ETNK1: variants seen among roughly 807,000 people sequenced by gnomAD.
The protein encoded by ETNK1 is ethanolamine kinase 1.
A neutral mutation model predicts 45.1 loss-of-function variants in ETNK1; 8 were observed. The ratio of observed to expected loss-of-function variants is 0.18; its 90% confidence interval spans 0.10 to 0.32. ETNK1 has a LOEUF of 0.32. ETNK1 is among the 10% of genes least tolerant of loss of function. The pLI is 1.00. For missense variants in ETNK1, 302 were observed against 430.6 expected, an observed-to-expected ratio of 0.70 and a Z score of 2.64; for synonymous variants, 152 against 151.9, an observed-to-expected ratio of 1.00 and a Z score of -0.01.
chr12:22,688,377 A>C lies in ETNK1; in HGVS notation c.*3423A>C, dbSNP rs1020570860. 2 of 151,870 alleles carry C rather than the reference A, an allele frequency of 1.3e-5. No individual in the cohort carries two copies. The highest frequency in any genetic ancestry group is 3.0e-5 in the Non-Finnish European group (2 of 67,752). The allele number at this position is 151,870 out of a possible 1,614,324, so 9.4% of individuals were successfully genotyped here. Reference sequence around the variant, plus strand: ...ACTAAAAATATTTAACTTCATAAATATGTTACTACAGCTTCCAGATTTAAA... The same window carrying C: ...ACTAAAAATATTTAACTTCATAAATCTGTTACTACAGCTTCCAGATTTAAA... On this transcript the variant is annotated 3_prime_UTR_variant, in exon 8 of 8. Transcript: ENST00000266517.
At chr12:22,639,780 T>A (rs1245186971) in intron 1 of ETNK1, among the ~76,000 whole-genome samples, 1 of 152,182 alleles carries the variant, frequency 6.6e-6, no homozygotes, top group African/African-American at 2.4e-5. Flanking sequence ...TCAGGTTGTT[T>A]CGTGAAATCA....
At chr12:22,680,890 TCC>T (rs139159553) in intron 6 of ETNK1, among the ~76,000 whole-genome samples, 2 of 53,202 alleles carry the variant, frequency 3.8e-5, no homozygotes, top group Non-Finnish European at 1.1e-4. Context: ...GAGCTTTTCT[TCC>T]CCCGCCCCCC....
intron 1 of ETNK1, among the ~76,000 whole-genome samples, chr12:22,627,711 T>C (rs1270700902): frequency 6.6e-6 from 1 of 152,106 alleles, no homozygotes; most frequent in Non-Finnish European, 1.5e-5. Flanking sequence ...CAGAGTATAA[T>C]GTAATTTTAG....
chr12:22,648,428 G>A (rs1250880791), intron 2 of ETNK1, among the ~76,000 whole-genome samples: 1 of 151,852 alleles, frequency 6.6e-6, no homozygotes, highest in African/African-American at 2.4e-5. Flanking sequence ...TGCTTCCACA[G>A]TTTTGCCTTT....
At chr12:22,673,811 C>T (rs2137570544) in intron 6 of ETNK1, 151 bp downstream of exon 6, 2 of 779,368 alleles carry the variant, frequency 2.6e-6, no homozygotes, top group Non-Finnish European at 4.0e-6. Context: ...GTATGCATTA[C>T]CCCATTGCAT....
chr12:22,666,877 A>G (rs943951890), intron 4 of ETNK1, among the ~76,000 whole-genome samples: 4 of 152,126 alleles, frequency 2.6e-5, no homozygotes, highest in African/African-American at 7.2e-5. Flanking sequence ...TATCCATTCT[A>G]TTATTACTCC....
At chr12:22,638,639 C>CT (rs1454650868) in intron 1 of ETNK1, 1 of 152,080 alleles carries the variant, frequency 6.6e-6, no homozygotes, top group Non-Finnish European at 1.5e-5. Context: ...ATATAATTCT[C>CT]TAATAGAGGC....
chr12:22,659,072 C>T lies in ETNK1; in HGVS notation c.475C>T (p.Pro159Ser), dbSNP rs1425418403. The T allele has an allele frequency of 6.2e-7, 1 of 1,613,886 alleles. No individual in the cohort carries two copies. Among genetic ancestry groups the T allele is most frequent in the Non-Finnish European group, 8.5e-7 (1 of 1,179,878 alleles). The stretch of plus-strand genomic sequence containing the variant: ...TATTCATGCACACAATGGCTGGATC[C>T]CCAAATCTAATCTTTGGCTAAAGAT... ...HAIHAHNGWI[P>S]KSNLWLKMGK... is the part of the protein sequence containing the mutation. Residue 159 changes from proline (P) to serine (S), a missense_variant, in exon 3 of 8, where the codon CCC becomes TCC. Transcript: ENST00000266517.
At chr12:22,632,565 A>C (rs1244568960) in intron 1 of ETNK1, among the ~76,000 whole-genome samples, 1 of 151,902 alleles carries the variant, frequency 6.6e-6, no homozygotes, top group African/African-American at 2.4e-5. Context: ...GCTAGAGTGC[A>C]GTGATGCTAT....
chr12:22,631,429 C>T (rs918575842), intron 1 of ETNK1, among the ~76,000 whole-genome samples: 1 of 152,126 alleles, frequency 6.6e-6, no homozygotes, highest in Admixed American at 6.5e-5. Flanking sequence ...CCTTCCTCAA[C>T]CTCCCAAAGT....
At chr12:22,647,102 T>C (rs1380373881) in intron 2 of ETNK1, among the ~76,000 whole-genome samples, 1 of 151,844 alleles carries the variant, frequency 6.6e-6, no homozygotes, top group East Asian at 1.9e-4. Context: ...TATCATTCTC[T>C]GTTTTATTTG....
intron 2 of ETNK1, among the ~76,000 whole-genome samples, chr12:22,648,508 A>G (rs1278172966): frequency 6.6e-6 from 1 of 151,968 alleles, no homozygotes; most frequent in Non-Finnish European, 1.5e-5. Context: ...TGACTTAGTA[A>G]TATGCATTTG....
At chr12:22,644,264 C>A in intron 2 of ETNK1, 1 of 1,608,662 alleles carries the variant, frequency 6.2e-7, no homozygotes. Context: ...TTTGGATTAA[C>A]CGGCTGCAGA....
At chr12:22,667,650 G>A (rs1021076582) in intron 4 of ETNK1, among the ~76,000 whole-genome samples, 13 of 152,130 alleles carry the variant, frequency 8.5e-5, no homozygotes, top group East Asian at 1.9e-4. Context: ...GTTACTTTTC[G>A]TATCGTTCTC....
At position 22,652,887 on chromosome 12, in the gene ETNK1, A is replaced by G. The variant is rs564490605; in HGVS notation, c.417-6127A>G. Among the ~76,000 whole-genome samples, 9 of 152,234 alleles carry G rather than the reference A, an allele frequency of 5.9e-5. No homozygotes were observed. The South Asian group carries it at 1.9e-3, about 32-fold the overall frequency. ...TTTTGTTGCCTGTGCTTTTGGTGTC[A>G]TATCCAAGAAATCATTGCCAAGTAT... On this transcript the variant is annotated intron_variant, in intron 2 of 7. Transcript: ENST00000266517.
intron 2 of ETNK1, among the ~76,000 whole-genome samples, chr12:22,646,543 T>C (rs1953808908): frequency 6.6e-6 from 1 of 151,826 alleles, no homozygotes; most frequent in African/African-American, 2.4e-5. Flanking sequence ...TTGTCACATT[T>C]TGATTAATCC....
intron 6 of ETNK1, 119 bp downstream of exon 6, chr12:22,673,779 T>A: frequency 1.0e-6 from 1 of 1,002,818 alleles, no homozygotes; most frequent in Non-Finnish European, 1.4e-6. Flanking sequence ...TTCAAAATAA[T>A]GTAAATACAT....
chr12:22,663,846 TTC>T lies in ETNK1; in HGVS notation c.700+2643_700+2644del, dbSNP rs1411492350. Reference sequence around the variant, plus strand: ...TGTATGTGTCTTAGTTACAGAAATGTTCTGTTTTTTTTTTCTCTCTCCTTACG... The same window carrying T: ...TGTATGTGTCTTAGTTACAGAAATGTTGTTTTTTTTTTCTCTCTCCTTACG... On this transcript the variant is annotated intron_variant, in intron 4 of 7. Coordinates refer to ENST00000266517, the MANE Select transcript of ETNK1 (RefSeq NM_018638.5). Among the ~76,000 whole-genome samples, 3 of 152,154 alleles carry T rather than the reference TTC, an allele frequency of 2.0e-5. No individual in the cohort carries two copies. The East Asian group carries it at 5.8e-4, about 29-fold the overall frequency.
intron 6 of ETNK1, among the ~76,000 whole-genome samples, chr12:22,679,346 A>G (rs1954191410): frequency 6.6e-6 from 1 of 152,206 alleles, no homozygotes; most frequent in Non-Finnish European, 1.5e-5. Flanking sequence ...AACATGGGGA[A>G]AAAGAAGGAA....
Sources: allele counts gnomAD v4.1 joint callset (sites outside exome capture counted in the v4.1 genomes callset), GRCh38; gene constraint gnomAD v4.1.1; transcripts MANE v1.5; gene names NCBI Gene and HGNC (gene_info 2026-07-23, HGNC 2026-07-21).